Variants in SLC8A1 observed in about 807,000 individuals in gnomAD.
SLC8A1 encodes the protein solute carrier family 8 member A1.
Under a neutral mutation model 68.3 loss-of-function variants are expected in SLC8A1, and 18 were observed. The ratio of observed to expected loss-of-function variants is 0.26; its 90% confidence interval spans 0.18 to 0.39. The LOEUF (loss-of-function observed/expected upper bound fraction) is 0.39. Ranked by LOEUF, SLC8A1 falls within the 10% of genes least tolerant of loss-of-function variation. The pLI is 1.00. For missense variants in SLC8A1, 985 were observed against 1,156.7 expected, an observed-to-expected ratio of 0.85 and a Z score of 2.15; for synonymous variants, 475 against 415.5, an observed-to-expected ratio of 1.14 and a Z score of -1.74.
chr2:40,285,420 T>G (rs1285562595), intron 2 of SLC8A1, among the ~76,000 whole-genome samples: 1 of 152,190 alleles, frequency 6.6e-6, no homozygotes. Context: ...TTTCTAGTGT[T>G]TTCTTTTTTT....
intron 1 of SLC8A1, among the ~76,000 whole-genome samples, chr2:40,474,002 T>C (rs1476333934): frequency 6.6e-6 from 1 of 152,198 alleles, no homozygotes; most frequent in Non-Finnish European, 1.5e-5. Flanking sequence ...GTAGTCATAG[T>C]GCAAATAGAA....
intron 2 of SLC8A1, among the ~76,000 whole-genome samples, chr2:40,249,156 C>T (rs1324445957): frequency 3.9e-5 from 6 of 151,960 alleles, no homozygotes; most frequent in Admixed American, 6.6e-5. Flanking sequence ...ACTACTTTGT[C>T]GAAATCTTAA....
chr2:40,219,212 G>A (rs2057955121), intron 2 of SLC8A1, among the ~76,000 whole-genome samples: 4 of 152,182 alleles, frequency 2.6e-5, no homozygotes, highest in African/African-American at 4.8e-5. Flanking sequence ...TGTTCATAGA[G>A]GAGAAACCAT....
intron 1 of SLC8A1, among the ~76,000 whole-genome samples, chr2:40,437,552 G>C (rs559152782): frequency 6.6e-5 from 10 of 152,210 alleles, no homozygotes; most frequent in Admixed American, 2.0e-4. Flanking sequence ...CTAGCAGTAA[G>C]CAAGCAAAAC....
intron 1 of SLC8A1, among the ~76,000 whole-genome samples, chr2:40,459,594 C>G (rs1303120387): frequency 6.6e-6 from 1 of 152,204 alleles, no homozygotes; most frequent in East Asian, 1.9e-4. Context: ...ACCATTCCTT[C>G]TAAGGCACAG....
intron 2 of SLC8A1, among the ~76,000 whole-genome samples, chr2:40,295,810 T>A (rs1380594309): frequency 6.6e-6 from 1 of 152,144 alleles, no homozygotes; most frequent in Non-Finnish European, 1.5e-5. Flanking sequence ...CATCCACAAA[T>A]AATCTACAAT....
At chr2:40,311,631 T>A (rs2073688330) in intron 2 of SLC8A1, among the ~76,000 whole-genome samples, 1 of 152,112 alleles carries the variant, frequency 6.6e-6, no homozygotes, top group Non-Finnish European at 1.5e-5. Flanking sequence ...AGGACATCCA[T>A]AAAGTATTGA....
At chr2:40,114,165 T>C (rs771914786) in exon 8 of SLC8A1, 6 of 152,798 alleles carry the variant, frequency 3.9e-5, no homozygotes, top group African/African-American at 1.2e-4. Context: ...TTTTTCACCA[T>C]GCACTGTGTA....
chr2:40,178,905 A>T (rs138765516), intron 2 of SLC8A1, among the ~76,000 whole-genome samples: 2 of 152,202 alleles, frequency 1.3e-5, no homozygotes, highest in Non-Finnish European at 2.9e-5. Context: ...TCCCATCAAG[A>T]TATTAATAGA....
chr2:40,382,042 GTGAT>G (rs1681998521), intron 2 of SLC8A1, among the ~76,000 whole-genome samples: 1 of 152,066 alleles, frequency 6.6e-6, no homozygotes, highest in Non-Finnish European at 1.5e-5. Context: ...CATTGTTTCA[GTGAT>G]TGATTTTCTG....
intron 1 of SLC8A1, among the ~76,000 whole-genome samples, chr2:40,444,560 C>T (rs1399658199): frequency 2.0e-5 from 3 of 152,148 alleles, no homozygotes; most frequent in Non-Finnish European, 4.4e-5. Flanking sequence ...GTTTCATTTG[C>T]GTCTCTCATA....
chr2:40,130,599 A>C (rs2039130250), intron 7 of SLC8A1, among the ~76,000 whole-genome samples: 1 of 152,248 alleles, frequency 6.6e-6, no homozygotes, highest in Non-Finnish European at 1.5e-5. Flanking sequence ...TTGGTAGTAA[A>C]GAAACGTGTT....
chr2:40,360,090 C>T (rs549967078), intron 2 of SLC8A1, among the ~76,000 whole-genome samples: 35 of 152,124 alleles, frequency 2.3e-4, no homozygotes, highest in Non-Finnish European at 3.8e-4. Flanking sequence ...TCCCAAAAAC[C>T]TTACAAGGTC....
chr2:40,275,465 C>T (rs997773870), intron 2 of SLC8A1, among the ~76,000 whole-genome samples: 3 of 152,178 alleles, frequency 2.0e-5, no homozygotes, highest in African/African-American at 7.2e-5. Flanking sequence ...TGAGGTTTAT[C>T]TCCAAAAGCA....
intron 2 of SLC8A1, among the ~76,000 whole-genome samples, chr2:40,393,011 G>T (rs1361319028): frequency 6.6e-6 from 1 of 152,006 alleles, no homozygotes; most frequent in Non-Finnish European, 1.5e-5. Context: ...CAGGAGAAAT[G>T]TTGTCAAATC....
At chr2:40,367,980 C>T (rs1272991490) in intron 2 of SLC8A1, among the ~76,000 whole-genome samples, 1 of 152,082 alleles carries the variant, frequency 6.6e-6, no homozygotes, top group African/African-American at 2.4e-5. Context: ...CCCACTGAAT[C>T]TTAAACCTTT....
chr2:40,305,206 A>G (rs142869126), intron 2 of SLC8A1, among the ~76,000 whole-genome samples: 39 of 152,222 alleles, frequency 2.6e-4, no homozygotes, highest in African/African-American at 9.2e-4. Flanking sequence ...AGCCCCTTCT[A>G]GTGGTGTGAA....
At chr2:40,274,188 T>A (rs1260351601) in intron 2 of SLC8A1, among the ~76,000 whole-genome samples, 1 of 149,570 alleles carries the variant, frequency 6.7e-6, no homozygotes, top group Non-Finnish European at 1.5e-5. Flanking sequence ...GCTTTCTAGC[T>A]GTTTGTTCTC....
At chr2:40,123,881 C>G (rs1375432333) in intron 7 of SLC8A1, among the ~76,000 whole-genome samples, 1 of 152,206 alleles carries the variant, frequency 6.6e-6, no homozygotes, top group Non-Finnish European at 1.5e-5. Flanking sequence ...TAACTTCCTG[C>G]TTAAACACAA....
Sources: gnomAD v4.1 joint callset for allele counts (sites outside exome capture counted in the v4.1 genomes callset) on GRCh38, gnomAD v4.1.1 for gene constraint, MANE v1.5 for transcripts, NCBI Gene and HGNC (gene_info 2026-07-23, HGNC 2026-07-21) for gene names.